SP100: variants seen among roughly 807,000 people sequenced by gnomAD.
The protein encoded by SP100 is nuclear autoantigen Sp-100.
In SP100, 84 loss-of-function variants were observed where a neutral mutation model predicts 130.0. That is an observed-to-expected ratio of 0.65 (90% CI 0.54 to 0.77). The LOEUF (loss-of-function observed/expected upper bound fraction) is 0.77, where lower values mean the gene tolerates loss of function less well. Among genes scored for constraint, SP100 ranks in the 30% least tolerant of loss-of-function variants. The pLI is 0.00. For missense variants in SP100, 978 were observed against 1,052.2 expected, an observed-to-expected ratio of 0.93 and a Z score of 0.97; for synonymous variants, 331 against 351.7, an observed-to-expected ratio of 0.94 and a Z score of 0.66.
chr2:230,523,596 A>C (rs988351364), intron 24 of SP100, among the ~76,000 whole-genome samples: 1 of 152,184 alleles, frequency 6.6e-6, no homozygotes, highest in Non-Finnish European at 1.5e-5. Context: ...TCTTTAATAA[A>C]CAATCTGGCT....
chr2:230,525,043 G>A (rs1363952343), intron 24 of SP100, among the ~76,000 whole-genome samples: 2 of 152,118 alleles, frequency 1.3e-5, no homozygotes, highest in African/African-American at 4.8e-5. Flanking sequence ...GGTGTAAAGA[G>A]AGTTATGGAT....
intron 23 of SP100, chr2:230,508,243 C>T (rs1170096618): frequency 2.4e-5 from 14 of 581,500 alleles, no homozygotes; most frequent in Non-Finnish European, 3.2e-5. Context: ...TGGGAACAAT[C>T]CTCAGAAATA....
chr2:230,470,039 A>G lies in SP100; in HGVS notation c.1370A>G (p.Asp457Gly). ...KRRFSSSDFSDLSNGEELQET... is the reference protein window; with the variant it reads ...KRRFSSSDFSGLSNGEELQET... ...GGTTTCAGCAGTAGTGACTTTTCAGACCTGAGTAATGGAGAAGAGCTTCAG... is the reference window on the plus strand; with the variant it reads ...GGTTTCAGCAGTAGTGACTTTTCAGGCCTGAGTAATGGAGAAGAGCTTCAG... The change falls in exon 15 of 29, where the codon GAC becomes GGC. Residue 457 changes from aspartate (D) to glycine (G), a missense_variant. Coordinates refer to ENST00000340126, the MANE Select transcript of SP100 (RefSeq NM_001080391.2). 1 of 1,612,698 alleles carries G rather than the reference A, an allele frequency of 6.2e-7. No individual in the cohort carries two copies. The highest frequency in any genetic ancestry group is 8.5e-7 in the Non-Finnish European group (1 of 1,179,302).
chr2:230,519,463 C>A (rs938764756), intron 24 of SP100, among the ~76,000 whole-genome samples: 1 of 152,126 alleles, frequency 6.6e-6, no homozygotes, highest in East Asian at 1.9e-4. Flanking sequence ...AACGTAAATA[C>A]GTTTTCCCCC....
At chr2:230,505,278 A>T (rs1278507567) in intron 21 of SP100, among the ~76,000 whole-genome samples, 1 of 152,210 alleles carries the variant, frequency 6.6e-6, no homozygotes, top group African/African-American at 2.4e-5. Flanking sequence ...GGCCCACAAG[A>T]CATCCAACTA....
At chr2:230,478,294 TA>T (rs1329265006) in intron 17 of SP100, among the ~76,000 whole-genome samples, 4 of 152,208 alleles carry the variant, frequency 2.6e-5, no homozygotes, top group Non-Finnish European at 4.4e-5. Context: ...AGATGTCACT[TA>T]AAATATTATG....
At position 230,472,264 on chromosome 2, in the gene SP100, TA is replaced by T. The variant is rs1423695116; in HGVS notation, c.1430-1055del. On this transcript the variant is annotated intron_variant, in intron 15 of 28. Transcript: ENST00000340126. ...TAAAACGGTGAAACCCCATCTCTAC[TA>T]AAAACAAAAAAAATTAGCCAGGCAT... 2.0e-5 allele frequency among the ~76,000 whole-genome samples: 3 copies of T among 150,966 alleles called. No individual in the cohort carries two copies. In the South Asian group the frequency reaches 6.3e-4, roughly 32 times the overall value.
rs1033869265 is a variant in SP100 at position 230,543,033 on chromosome 2, A to G, written c.*87A>G. On this transcript the variant is annotated 3_prime_UTR_variant, in exon 29 of 29. Coordinates refer to ENST00000340126, the MANE Select transcript of SP100 (RefSeq NM_001080391.2). ...CACTAATCTGTGACTGCTCCTGTGG[A>G]AACTCCACATCACAATTCTCCAAAA... is the stretch of plus-strand genomic sequence containing the variant. The G allele has an allele frequency of 4.4e-6, 3 of 679,346 alleles. No homozygotes were observed. Among genetic ancestry groups the G allele is most frequent in the Non-Finnish European group, 7.7e-6 (3 of 389,036 alleles). 42.1% of individuals were successfully genotyped at this position (679,346 alleles called of 1,614,324 possible).
intron 21 of SP100, among the ~76,000 whole-genome samples, chr2:230,505,935 A>C (rs1690059342): frequency 6.6e-6 from 1 of 152,204 alleles, no homozygotes; most frequent in Admixed American, 6.5e-5. Context: ...CACCTCTCTG[A>C]AATTCAGGCT....
chr2:230,472,427 C>CA (rs201703163), intron 15 of SP100, among the ~76,000 whole-genome samples: 4,778 of 61,098 alleles, frequency 0.078, 647 homozygotes, highest in African/African-American at 0.11. Context: ...GACTCCGTCT[C>CA]AAAAAAAAAA....
intron 15 of SP100, among the ~76,000 whole-genome samples, chr2:230,471,644 A>G (rs1328812160): frequency 1.3e-5 from 2 of 151,960 alleles, no homozygotes; most frequent in African/African-American, 2.4e-5. Flanking sequence ...ACACATACAC[A>G]CCACACACAC....
At position 230,504,291 on chromosome 2, in the gene SP100, G is replaced by T. The variant is rs374001310; in HGVS notation, c.1870+1G>T. ...CTATATAAGGAGCGATTCAAACAAG[G>T]TGAGTTTACTGGTCCATCTACGATT... On this transcript the variant is annotated splice_donor_variant, in intron 21 of 28. Transcript: ENST00000340126. LOFTEE classifies it high-confidence loss of function. 3.9e-6 allele frequency: 6 copies of T among 1,554,534 alleles called. No homozygotes were observed. The highest frequency in any genetic ancestry group is 5.3e-6 in the Non-Finnish European group (6 of 1,127,854).
At chr2:230,445,188 A>C (rs2063653245) in intron 4 of SP100, among the ~76,000 whole-genome samples, 4 of 152,204 alleles carry the variant, frequency 2.6e-5, no homozygotes, top group African/African-American at 7.2e-5. Context: ...ATACTATTAA[A>C]ATGGTACACG....
At position 230,542,984 on chromosome 2, in the gene SP100, A is replaced by G; in HGVS notation, c.*38A>G. The G allele has an allele frequency of 8.4e-7, 1 of 1,190,964 alleles. No homozygotes were observed. The highest frequency in any genetic ancestry group is 1.9e-4 in the Middle Eastern group (1 of 5,206). The allele number at this position is 1,190,964 out of a possible 1,614,324, so 73.8% of individuals were successfully genotyped here. ...CCTCCCTTCAGATCCTCTGGCAGCT[A>G]GCTACGCAATGTGCCTGTGGTCCCA... On this transcript the variant is annotated 3_prime_UTR_variant, in exon 29 of 29. Transcript: ENST00000340126.
intron 3 of SP100, 145 bp downstream of exon 3, chr2:230,443,244 G>A (rs565865785): frequency 3.9e-5 from 28 of 719,852 alleles, no homozygotes; most frequent in Middle Eastern, 4.0e-4. Flanking sequence ...GTTTCTGTAA[G>A]TGCTCCTGTA....
At chr2:230,446,715 C>A in intron 4 of SP100, 104 bp from the exon 5 acceptor site, 1 of 691,838 alleles carries the variant, frequency 1.4e-6, no homozygotes, top group Non-Finnish European at 2.5e-6. Flanking sequence ...ACCCTCTGAG[C>A]TCTGAGTCAC....
At chr2:230,452,773 G>A (rs996055835) in intron 8 of SP100, among the ~76,000 whole-genome samples, 35 of 143,950 alleles carry the variant, frequency 2.4e-4, no homozygotes, top group Non-Finnish European at 3.8e-4. Flanking sequence ...TGTATGTTGC[G>A]TTTGTATCCT....
At chr2:230,501,903 C>T (rs922829256) in intron 19 of SP100, among the ~76,000 whole-genome samples, 4 of 152,172 alleles carry the variant, frequency 2.6e-5, no homozygotes, top group African/African-American at 9.7e-5. Context: ...GAGTCTCGCT[C>T]TGCTGCCCAA....
At chr2:230,428,493 A>C (rs1373575611) in intron 2 of SP100, among the ~76,000 whole-genome samples, 9 of 150,054 alleles carry the variant, frequency 6.0e-5, no homozygotes, top group Non-Finnish European at 1.0e-4. Context: ...CCCAGGCTGG[A>C]GTGCGGTGGC....
Sources: gnomAD v4.1 joint callset for allele counts (sites outside exome capture counted in the v4.1 genomes callset) on GRCh38, gnomAD v4.1.1 for gene constraint, MANE v1.5 for transcripts, NCBI Gene and HGNC (gene_info 2026-07-23, HGNC 2026-07-21) for gene names.